PDE4D: variants seen among roughly 807,000 people sequenced by gnomAD.
PDE4D encodes the protein phosphodiesterase 4D, also known as 3',5'-cyclic-AMP phosphodiesterase 4D.
A neutral mutation model predicts 87.4 loss-of-function variants in PDE4D; 24 were observed. The ratio of observed to expected loss-of-function variants is 0.27; its 90% CI spans 0.20 to 0.39. The LOEUF (loss-of-function observed/expected upper bound fraction) is 0.39. Ranked by LOEUF, PDE4D falls within the 10% of genes least tolerant of loss-of-function variation. The probability of loss-of-function intolerance (pLI) is 1.00; values close to 1 mark genes in which losing one functional copy is unlikely to be tolerated. For missense variants in PDE4D, 714 were observed against 1,041.0 expected, an observed-to-expected ratio of 0.69 and a Z score of 4.32; for synonymous variants, 384 against 383.2, an observed-to-expected ratio of 1.00 and a Z score of -0.02.
chr5:59,393,426 A>C lies in PDE4D; in HGVS notation c.456-177458T>G, dbSNP rs200486105. Among the ~76,000 whole-genome samples, 10 of 152,332 alleles carry C rather than the reference A, an allele frequency of 6.6e-5. No individual in the cohort carries two copies. The East Asian group carries it at 1.9e-3, about 29-fold the overall frequency. On this transcript the variant is annotated intron_variant, in intron 1 of 14. Coordinates refer to ENST00000340635, the MANE Select transcript of PDE4D (RefSeq NM_001104631.2). ...GGTCAAGTGGTTGGAGTGAGAATTAAAGGCAAAATTCCTCTTCTCCCCCTC... is the reference window on the plus strand; with the variant it reads ...GGTCAAGTGGTTGGAGTGAGAATTACAGGCAAAATTCCTCTTCTCCCCCTC...
intron 1 of PDE4D, among the ~76,000 whole-genome samples, chr5:59,697,579 T>C (rs1004784709): frequency 2.0e-5 from 3 of 152,234 alleles, no homozygotes; most frequent in African/African-American, 7.2e-5. Flanking sequence ...AAAGTTTCAC[T>C]ATGCTCATTT....
chr5:59,181,881 C>T (rs1269853986), intron 4 of PDE4D, among the ~76,000 whole-genome samples: 2 of 152,100 alleles, frequency 1.3e-5, no homozygotes, highest in Non-Finnish European at 2.9e-5. Context: ...CATGCACAGC[C>T]TCACATATGT....
intron 1 of PDE4D, among the ~76,000 whole-genome samples, chr5:59,521,440 T>C (rs1259867075): frequency 2.6e-5 from 4 of 152,200 alleles, no homozygotes; most frequent in Non-Finnish European, 5.9e-5. Context: ...TTTTTGCAGG[T>C]AAAAGAGAGG....
At chr5:60,159,086 C>T (rs1782251023) in intron 2 of PDE4D, among the ~76,000 whole-genome samples, 1 of 152,094 alleles carries the variant, frequency 6.6e-6, no homozygotes, top group Non-Finnish European at 1.5e-5. Context: ...TTAAAATTAA[C>T]TTTTTAAACT....
intron 1 of PDE4D, among the ~76,000 whole-genome samples, chr5:59,539,859 G>A (rs143236625): frequency 1.8e-4 from 27 of 151,950 alleles, no homozygotes; most frequent in African/African-American, 6.0e-4. Flanking sequence ...CACGAACTAT[G>A]AATTTCTATA....
chr5:59,399,104 A>G (rs1396418508), intron 1 of PDE4D, among the ~76,000 whole-genome samples: 1 of 131,916 alleles, frequency 7.6e-6, no homozygotes, highest in African/African-American at 2.8e-5. Context: ...ATGGAAGAAC[A>G]TTCCATGCTC....
intron 5 of PDE4D, chr5:59,180,340 C>A: frequency 1.5e-6 from 1 of 658,942 alleles, no homozygotes; most frequent in Non-Finnish European, 2.8e-6. Context: ...CAGAGCAATG[C>A]TCAAATGAGT....
At chr5:59,935,789 T>C (rs1056607091) in intron 3 of PDE4D, among the ~76,000 whole-genome samples, 2 of 152,172 alleles carry the variant, frequency 1.3e-5, no homozygotes, top group African/African-American at 2.4e-5. Context: ...CATGAACTCA[T>C]CATTTTTTAT....
chr5:59,360,731 G>A (rs1490291170), intron 1 of PDE4D, among the ~76,000 whole-genome samples: 2 of 152,066 alleles, frequency 1.3e-5, no homozygotes, highest in East Asian at 3.9e-4. Context: ...CTACTTGATT[G>A]AAAGGTCAAT....
rs1324632933 is a variant in PDE4D at position 59,947,259 on chromosome 5, C to T, written c.272+41229G>A. On this transcript the variant is annotated intron_variant, in intron 3 of 16. Coordinates refer to the PDE4D transcript ENST00000502484. The stretch of plus-strand genomic sequence containing the variant: ...GCACTTTTGTGTAGAGAGCACTTTG[C>T]CGTCTTTTGAGTAACTTCCTGATAT... Among the ~76,000 whole-genome samples, 9 of 152,208 alleles carry T rather than the reference C, an allele frequency of 5.9e-5. No individual in the cohort carries two copies. In the East Asian group the frequency reaches 1.5e-3, roughly 26 times the overall value.
At chr5:59,225,885 G>A (rs1455489054) in intron 1 of PDE4D, among the ~76,000 whole-genome samples, 1 of 149,658 alleles carries the variant, frequency 6.7e-6, no homozygotes. Flanking sequence ...GACAAAAAAT[G>A]GCAAACAGGG....
chr5:60,315,435 T>C (rs1714011453), intron 1 of PDE4D, among the ~76,000 whole-genome samples: 2 of 152,206 alleles, frequency 1.3e-5, no homozygotes, highest in African/African-American at 2.4e-5. Flanking sequence ...ATTCTGTAGG[T>C]TGCCTGTTGA....
chr5:59,659,529 C>T (rs1017500596), intron 1 of PDE4D, among the ~76,000 whole-genome samples: 3 of 152,112 alleles, frequency 2.0e-5, no homozygotes, highest in African/African-American at 2.4e-5. Context: ...CAGGCCTTTC[C>T]GATAATTATG....
At chr5:59,385,270 G>T (rs1455823052) in intron 1 of PDE4D, among the ~76,000 whole-genome samples, 2 of 151,984 alleles carry the variant, frequency 1.3e-5, no homozygotes, top group Non-Finnish European at 2.9e-5. Context: ...CTTTTTGTGG[G>T]TCACATTTTA....
chr5:59,320,791 T>G (rs1231442760), intron 1 of PDE4D, among the ~76,000 whole-genome samples: 4 of 151,984 alleles, frequency 2.6e-5, no homozygotes, highest in African/African-American at 9.7e-5. Context: ...CTCTCTCACC[T>G]CCTTTCCTCC....
rs73761044 is a variant in PDE4D at position 59,907,837 on chromosome 5, T to G, written c.272+80651A>C. On this transcript the variant is annotated intron_variant, in intron 3 of 16. Transcript: ENST00000502484. ...AAGTTTACTCCAAAGCAAGAGCTAT[T>G]CTCTTTACAGCTCCCAAACATGCCC... is the stretch of plus-strand genomic sequence containing the variant. Among the ~76,000 whole-genome samples the G allele has an allele frequency of 5.2e-3, 790 of 152,172 alleles. 3 individuals carry two copies. Among genetic ancestry groups the G allele is most frequent in the African/African-American group, 0.018 (761 of 41,530 alleles).
At chr5:59,216,842 G>C (rs945894558) in intron 1 of PDE4D, 2 of 173,480 alleles carry the variant, frequency 1.2e-5, no homozygotes, top group African/African-American at 2.4e-5. Flanking sequence ...TGGTACATCA[G>C]AGCTTTATGA....
At chr5:59,004,324 A>C (rs1459868085) in intron 6 of PDE4D, among the ~76,000 whole-genome samples, 4 of 152,214 alleles carry the variant, frequency 2.6e-5, no homozygotes, top group Non-Finnish European at 5.9e-5. Flanking sequence ...GTTTACTCAC[A>C]TGGAAAATGA....
At chr5:58,992,187 A>T (rs191833890) in intron 7 of PDE4D, among the ~76,000 whole-genome samples, 183 bp from the exon 8 acceptor site, 1 of 152,330 alleles carries the variant, frequency 6.6e-6, no homozygotes, top group East Asian at 1.9e-4. Context: ...GTCTTCAAAC[A>T]CAAAATTAAG....
Sources: allele counts gnomAD v4.1 joint callset (sites outside exome capture counted in the v4.1 genomes callset), GRCh38; gene constraint gnomAD v4.1.1; transcripts MANE v1.5; gene names NCBI Gene and HGNC (gene_info 2026-07-23, HGNC 2026-07-21).